TXLNB: variants seen among roughly 807,000 people sequenced by gnomAD.
TXLNB encodes the protein beta-taxilin.
In TXLNB, 37 loss-of-function variants were observed where a neutral mutation model predicts 57.4. That is an observed-to-expected ratio of 0.64 (90% CI 0.50 to 0.85). TXLNB has a LOEUF of 0.85. TXLNB is among the 40% of genes least tolerant of loss of function. TXLNB has a pLI of 0.00. For synonymous variants in TXLNB, 302 were observed against 309.6 expected, an observed-to-expected ratio of 0.98 and a Z score of 0.26; for missense variants, 848 against 825.6, an observed-to-expected ratio of 1.03 and a Z score of -0.33.
the TXLNB span, among the ~76,000 whole-genome samples, chr6:139,164,216 CT>C: frequency 5.3e-5 from 8 of 152,184 alleles, no homozygotes; most frequent in Non-Finnish European, 8.8e-5. Context: ...ACCAGGGGAG[CT>C]TTCTAGAGCA....
intron 7 of TXLNB, among the ~76,000 whole-genome samples, chr6:139,253,694 T>G (rs909819495): frequency 3.3e-5 from 5 of 152,086 alleles, no homozygotes; most frequent in African/African-American, 1.2e-4. Context: ...GATCAAAACT[T>G]TAATATTTGT....
chr6:139,271,766 C>T (rs888632015), intron 3 of TXLNB: 2 of 152,140 alleles, frequency 1.3e-5, no homozygotes, highest in Non-Finnish European at 2.9e-5. Context: ...GACTGACCAT[C>T]GCTGGGGCCA....
the TXLNB span, among the ~76,000 whole-genome samples, chr6:139,309,657 GCTCAT>G: frequency 6.6e-6 from 1 of 152,142 alleles, no homozygotes; most frequent in South Asian, 2.1e-4. Context: ...AGGCACAGTG[GCTCAT>G]ACCTGTAATC....
At chr6:139,247,532 C>CTTTTT (rs61368061) in intron 8 of TXLNB, among the ~76,000 whole-genome samples, 48 of 63,006 alleles carry the variant, frequency 7.6e-4, no homozygotes, top group Non-Finnish European at 1.0e-3. Context: ...CTCTGGTCTT[C>CTTTTT]TTTTTTTTTT....
the TXLNB span, among the ~76,000 whole-genome samples, chr6:139,174,209 A>G: frequency 6.6e-6 from 1 of 152,236 alleles, no homozygotes; most frequent in African/African-American, 2.4e-5. Context: ...AACAGCTAGT[A>G]ATTCATCATT....
chr6:139,284,507 A>G (rs1777127742), intron 2 of TXLNB, among the ~76,000 whole-genome samples: 1 of 145,560 alleles, frequency 6.9e-6, no homozygotes, highest in South Asian at 2.3e-4. Flanking sequence ...CAGCCTGGCA[A>G]CAGAGTGAGA....
chr6:139,223,162 A>G, the TXLNB span, among the ~76,000 whole-genome samples: 1 of 152,238 alleles, frequency 6.6e-6, no homozygotes, highest in Non-Finnish European at 1.5e-5. Flanking sequence ...TTAAAAGATA[A>G]AAGTAGAAAA....
At chr6:139,209,098 G>C in the TXLNB span, among the ~76,000 whole-genome samples, 6 of 152,072 alleles carry the variant, frequency 3.9e-5, no homozygotes, top group Non-Finnish European at 5.9e-5. Context: ...GATATTTCAG[G>C]ATACAAAATT....
chr6:139,323,400 A>G, the TXLNB span, among the ~76,000 whole-genome samples: 1 of 150,496 alleles, frequency 6.6e-6, no homozygotes, highest in Non-Finnish European at 1.5e-5. Context: ...CTCCTGCCTC[A>G]GCCTCCCGAG....
chr6:139,323,805 G>A, the TXLNB span, among the ~76,000 whole-genome samples: 2 of 152,104 alleles, frequency 1.3e-5, no homozygotes, highest in Non-Finnish European at 2.9e-5. Flanking sequence ...GCTTCCGTTG[G>A]CATCAGCTTC....
At chr6:139,265,567 C>A (rs760876147) in intron 4 of TXLNB, among the ~76,000 whole-genome samples, 1 of 152,182 alleles carries the variant, frequency 6.6e-6, no homozygotes, top group Non-Finnish European at 1.5e-5. Context: ...TCTTCCCAAG[C>A]TCCCAGCGCA....
the TXLNB span, among the ~76,000 whole-genome samples, chr6:139,174,182 A>G: frequency 6.6e-6 from 1 of 152,260 alleles, no homozygotes; most frequent in Non-Finnish European, 1.5e-5. Context: ...TGAACTTAAA[A>G]TACATGCTTT....
the TXLNB span, chr6:139,167,219 C>T: frequency 5.6e-6 from 9 of 1,614,156 alleles, no homozygotes; most frequent in South Asian, 3.3e-5. Context: ...CCTGTGCCAC[C>T]GGGCGCTCCC....
chr6:139,202,266 T>C, the TXLNB span, among the ~76,000 whole-genome samples: 1 of 152,238 alleles, frequency 6.6e-6, no homozygotes, highest in African/African-American at 2.4e-5. Flanking sequence ...GAAAAAGCCC[T>C]GGACTTCTCA....
the TXLNB span, among the ~76,000 whole-genome samples, chr6:139,305,833 C>T: frequency 6.6e-6 from 1 of 152,108 alleles, no homozygotes; most frequent in African/African-American, 2.4e-5. Context: ...CCATCTGTCT[C>T]TGATAGTAAA....
Position 139,242,292 on chromosome 6 carries a change from C to T in TXLNB, c.*234G>A, listed in dbSNP as rs1582985926. ...TTTGCTATCTGTATGTTTTGTTGCCCTTTGGGAAAATTATACTGTCAACCA... is the reference window on the plus strand; with the variant it reads ...TTTGCTATCTGTATGTTTTGTTGCCTTTTGGGAAAATTATACTGTCAACCA... On this transcript the variant is annotated 3_prime_UTR_variant, in exon 10 of 10. Coordinates refer to ENST00000358430, the MANE Select transcript of TXLNB (RefSeq NM_153235.4). The T allele has an allele frequency of 1.3e-5, 5 of 376,336 alleles. 1 individual carries two copies. In the East Asian group the frequency reaches 2.0e-4, roughly 15 times the overall value. 23.3% of individuals were successfully genotyped at this position (376,336 alleles called of 1,614,324 possible). A position where few individuals can be genotyped will look rare whatever the true frequency, so the allele number is the denominator to read the frequency against.
intron 6 of TXLNB, among the ~76,000 whole-genome samples, chr6:139,256,403 C>T (rs936390568): frequency 6.6e-6 from 1 of 152,188 alleles, no homozygotes; most frequent in Admixed American, 6.5e-5. Flanking sequence ...GACCTCAGCT[C>T]CCTGCAACCT....
the TXLNB span, among the ~76,000 whole-genome samples, chr6:139,172,761 G>A: frequency 1.3e-5 from 2 of 152,318 alleles, no homozygotes; most frequent in African/African-American, 4.8e-5. Flanking sequence ...TAAATCTTAA[G>A]AACTTGGGCA....
chr6:139,265,742 T>C (rs112678704), intron 4 of TXLNB, among the ~76,000 whole-genome samples: 2,412 of 152,260 alleles, frequency 0.016, 62 homozygotes, highest in African/African-American at 0.055. Context: ...TAGAGGGAAG[T>C]TGGCACTTGT....
Sources: allele counts gnomAD v4.1 joint callset (sites outside exome capture counted in the v4.1 genomes callset), GRCh38; gene constraint gnomAD v4.1.1; transcripts MANE v1.5; gene names NCBI Gene and HGNC (gene_info 2026-07-23, HGNC 2026-07-21).